TMEM245: variants seen among roughly 807,000 people sequenced by gnomAD.
TMEM245 encodes protein CG-2.
Under a neutral mutation model 101.2 loss-of-function variants are expected in TMEM245, and 69 were observed. That is an observed-to-expected ratio of 0.68 (90% CI 0.56 to 0.83). The LOEUF is 0.83. TMEM245 is among the 40% of genes least tolerant of loss of function. The pLI, the probability that TMEM245 is intolerant of heterozygous loss-of-function variation, is 0.00. For synonymous variants in TMEM245, 537 were observed against 449.8 expected (o/e 1.19, Z -2.45); for missense variants, 1,075 against 1,092.8 (o/e 0.98, Z 0.23).
intron 12 of TMEM245, among the ~76,000 whole-genome samples, chr9:109,056,649 C>T (rs552322611): frequency 6.6e-5 from 10 of 151,878 alleles, no homozygotes; most frequent in South Asian, 2.1e-4. Flanking sequence ...AAGTTTAGCA[C>T]GGCAAACCTC....
At chr9:109,084,462 T>C (rs1030184123) in intron 7 of TMEM245, among the ~76,000 whole-genome samples, 2 of 152,200 alleles carry the variant, frequency 1.3e-5, no homozygotes, top group Non-Finnish European at 1.5e-5. Context: ...TCTCATAAAT[T>C]AGGTAATCTA....
intron 14 of TMEM245, among the ~76,000 whole-genome samples, chr9:109,040,529 T>C (rs1344870706): frequency 6.6e-6 from 1 of 152,194 alleles, no homozygotes; most frequent in East Asian, 1.9e-4. Flanking sequence ...TGATGGCCAC[T>C]AGATATGCTG....
chr9:109,034,987 T>C (rs1389176746), intron 16 of TMEM245, among the ~76,000 whole-genome samples: 1 of 151,606 alleles, frequency 6.6e-6, no homozygotes, highest in African/African-American at 2.4e-5. Flanking sequence ...TGAAATCCCA[T>C]CTCTAGTAAA....
chr9:109,073,869 T>G (rs1564192426), intron 8 of TMEM245, among the ~76,000 whole-genome samples: 1 of 149,654 alleles, frequency 6.7e-6, no homozygotes, highest in African/African-American at 2.5e-5. Flanking sequence ...TTTTTTTTTT[T>G]TTTTTTAGCC....
Position 109,020,520 on chromosome 9 carries a change from G to C in TMEM245, c.2595-15C>G. 1 of 1,611,928 alleles carries C rather than the reference G, an allele frequency of 6.2e-7. No individual in the cohort carries two copies. The highest frequency in any genetic ancestry group is 8.5e-7 in the Non-Finnish European group (1 of 1,178,178). On this transcript the variant is annotated splice_polypyrimidine_tract_variant and intron_variant, in intron 17 of 17. Coordinates refer to ENST00000374586, the MANE Select transcript of TMEM245 (RefSeq NM_032012.4). ...CACGGAAAGTCCTAAAAGAAAAAAAGACGGAATGATTAGTTGATTACCATA... is the reference window on the plus strand; with the variant it reads ...CACGGAAAGTCCTAAAAGAAAAAAACACGGAATGATTAGTTGATTACCATA...
intron 5 of TMEM245, 84 bp from the exon 6 acceptor site, chr9:109,087,426 CCTTT>C: frequency 7.6e-7 from 1 of 1,322,738 alleles, no homozygotes; most frequent in Non-Finnish European, 1.0e-6. Context: ...TTTCACAAAA[CCTTT>C]CTAAAACAAC....
intron 14 of TMEM245, among the ~76,000 whole-genome samples, chr9:109,043,519 C>A (rs779026289): frequency 6.6e-6 from 1 of 152,174 alleles, no homozygotes; most frequent in Non-Finnish European, 1.5e-5. Flanking sequence ...TTTTCTGGGA[C>A]CTTTTTCTTC....
intron 2 of TMEM245, among the ~76,000 whole-genome samples, chr9:109,108,227 T>C (rs1830477435): frequency 6.6e-6 from 1 of 152,096 alleles, no homozygotes; most frequent in Non-Finnish European, 1.5e-5. Flanking sequence ...TAAGATGTAT[T>C]GACTTTTAAA....
rs1185766436 is a variant in TMEM245 at position 109,076,496 on chromosome 9, G to A, written c.1450-3058C>T. On this transcript the variant is annotated intron_variant, in intron 8 of 17. Coordinates refer to ENST00000374586, the MANE Select transcript of TMEM245 (RefSeq NM_032012.4). The stretch of plus-strand genomic sequence containing the variant: ...GTATACATATGTAACAAACCTGCAC[G>A]TTGTGCACATGTACCCTAAAACTTA... 5.9e-5 allele frequency among the ~76,000 whole-genome samples: 9 copies of A among 151,720 alleles called. No individual in the cohort carries two copies. In the South Asian group the frequency reaches 8.3e-4, roughly 14 times the overall value.
intron 5 of TMEM245, among the ~76,000 whole-genome samples, chr9:109,089,596 T>C (rs1829940780): frequency 6.6e-6 from 1 of 152,160 alleles, no homozygotes; most frequent in Non-Finnish European, 1.5e-5. Flanking sequence ...TGGCACAAAA[T>C]ATGGCTGCCA....
intron 7 of TMEM245, among the ~76,000 whole-genome samples, chr9:109,085,079 C>A (rs1829792522): frequency 6.6e-6 from 1 of 152,184 alleles, no homozygotes; most frequent in African/African-American, 2.4e-5. Flanking sequence ...ATGATGTCAT[C>A]TCTTGCTATC....
rs145560454 is a variant in TMEM245, at chr9:109,119,693, T to G, written c.221A>C (p.Tyr74Ser). The G allele has an allele frequency of 1.9e-6, 3 of 1,555,834 alleles. No homozygotes were observed. The highest frequency in any genetic ancestry group is 1.4e-5 in the African/African-American group (1 of 72,212). The change falls in exon 1 of 18, where the codon TAC (tyrosine) becomes TCC (serine). Residue 74 changes from tyrosine to serine, a missense_variant. Transcript: ENST00000374586. ...CCGCAGGAAGGCCTCCAGGATGAAG[T>G]AGACCAGCACCGCGGCGCCGCAGCA... ...CLCCGAAVLVYFILEAFLRPL... is the reference protein window; with the variant it reads ...CLCCGAAVLVSFILEAFLRPL...
intron 3 of TMEM245, among the ~76,000 whole-genome samples, chr9:109,093,897 T>C (rs370147378): frequency 6.6e-6 from 1 of 152,300 alleles, no homozygotes; most frequent in East Asian, 1.9e-4. Flanking sequence ...TTTTAATGCA[T>C]ACTTCTATTG....
In TMEM245 at chr9:109,119,706, C is replaced by T; in HGVS notation, c.208G>A (p.Ala70Thr). ...VLFVCLCCGA[A>T]VLVYFILEAF... Reference sequence around the variant, plus strand: ...TCCAGGATGAAGTAGACCAGCACCGCGGCGCCGCAGCACAGGCACACGAAC... The same window carrying T: ...TCCAGGATGAAGTAGACCAGCACCGTGGCGCCGCAGCACAGGCACACGAAC... Residue 70 changes from alanine (A) to threonine (T), a missense_variant, in exon 1 of 18, where the codon GCG becomes ACG. By Grantham distance (58) the Ala-to-Thr change is moderately conservative (BLOSUM62 0). This residue lies in a region of TMEM245 where 808 missense variants were observed against 741.5 expected (regional missense o/e 1.09). Coordinates refer to ENST00000374586, the MANE Select transcript of TMEM245 (RefSeq NM_032012.4). 6.5e-7 allele frequency: 1 copy of T among 1,549,426 alleles called. No homozygotes were observed. Among genetic ancestry groups the T allele is most frequent in the East Asian group, 2.5e-5 (1 of 40,352 alleles).
At chr9:109,058,188 T>C (rs1301918800) in intron 11 of TMEM245, among the ~76,000 whole-genome samples, 1 of 151,642 alleles carries the variant, frequency 6.6e-6, no homozygotes, top group East Asian at 2.0e-4. Flanking sequence ...GTATTTTTAG[T>C]AGAGACGGGG....
intron 17 of TMEM245, among the ~76,000 whole-genome samples, chr9:109,029,281 GA>G (rs1304579569): frequency 6.6e-5 from 10 of 152,154 alleles, no homozygotes; most frequent in African/African-American, 2.4e-4. Context: ...AGGAAATCAT[GA>G]AACAACTCAA....
At chr9:109,057,929 T>A (rs928194538) in intron 11 of TMEM245, among the ~76,000 whole-genome samples, 1 of 151,138 alleles carries the variant, frequency 6.6e-6, no homozygotes, top group African/African-American at 2.4e-5. Context: ...TACTTTCTTT[T>A]TTTTTTTTTT....
intron 3 of TMEM245, among the ~76,000 whole-genome samples, chr9:109,094,821 A>G (rs889770879): frequency 4.6e-5 from 7 of 152,188 alleles, no homozygotes; most frequent in African/African-American, 1.4e-4. Flanking sequence ...CTGAGACATT[A>G]CTTTTGGTAG....
At chr9:109,050,192 G>A (rs1828629926) in intron 14 of TMEM245, 91 bp downstream of exon 14, 4 of 1,462,576 alleles carry the variant, frequency 2.7e-6, no homozygotes, top group Non-Finnish European at 3.7e-6. Context: ...GTTTAGCACT[G>A]AATGTTATCA....
Sources: gnomAD v4.1 joint callset for allele counts (sites outside exome capture counted in the v4.1 genomes callset) on GRCh38, gnomAD v4.1.1 for gene constraint, gnomAD v4.1.1 regional missense constraint, MANE v1.5 for transcripts, NCBI Gene and HGNC (gene_info 2026-07-23, HGNC 2026-07-21) for gene names.